Variants in NLGN2 observed in about 807,000 individuals in gnomAD.
The protein encoded by NLGN2 is neuroligin 2, also known as neuroligin-2.
A neutral mutation model predicts 48.6 loss-of-function variants in NLGN2; 11 were observed. The observed-to-expected ratio is 0.23, with a 90% CI of 0.14 to 0.37. The LOEUF (loss-of-function observed/expected upper bound fraction) is 0.37. NLGN2 is among the 10% of genes least tolerant of loss of function. NLGN2 has a pLI of 1.00. For synonymous variants in NLGN2, 548 were observed against 550.0 expected, an observed-to-expected ratio of 1.00 and a Z score of 0.05; for missense variants, 801 against 1,225.2, an observed-to-expected ratio of 0.65 and a Z score of 5.17.
In NLGN2 at chr17:7,411,122, C is replaced by T. The variant is rs540027700; in HGVS notation, c.458-1035C>T. Among the ~76,000 whole-genome samples, 8 of 152,356 alleles carry T rather than the reference C, an allele frequency of 5.3e-5. No individual in the cohort carries two copies. The highest frequency in any genetic ancestry group is 4.1e-4 in the South Asian group (2 of 4,828). On this transcript the variant is annotated intron_variant, in intron 1 of 6. Coordinates refer to ENST00000302926, the MANE Select transcript of NLGN2 (RefSeq NM_020795.4). This position sits in a 1 kb window ranked among gnomAD's most constrained non-coding sequence, Gnocchi z 4.5. ...ATCTGGAAGAAGCCCTGACACTGGGCGAACCTGGTGCTCCCGGTACCTGCT... is the reference window on the plus strand; with the variant it reads ...ATCTGGAAGAAGCCCTGACACTGGGTGAACCTGGTGCTCCCGGTACCTGCT...
chr17:7,414,227 T>A, intron 2 of NLGN2, 117 bp from the exon 3 acceptor site: 1 of 881,854 alleles, frequency 1.1e-6, no homozygotes, highest in Non-Finnish European at 1.8e-6. Flanking sequence ...GAGTGACATG[T>A]CCCCTGAGCT....
At chr17:7,414,538 G>A (rs772439139) in intron 3 of NLGN2, 45 bp downstream of exon 3, 2 of 1,611,672 alleles carry the variant, frequency 1.2e-6, no homozygotes, top group Non-Finnish European at 8.5e-7. Context: ...AGTCTGGGAG[G>A]TGGGCCTGGT....
In NLGN2 at chr17:7,417,463, TG is replaced by T; in HGVS notation, c.2177del (p.Gly726AlafsTer22). 2 of 1,549,844 alleles carry T rather than the reference TG, an allele frequency of 1.3e-6. No homozygotes were observed. The part of the protein sequence containing the change: ...PGGSGSGVPG[G>X]GPLLPAAGRE... ...GCGGCTCAGGCTCTGGCGTGCCTGG[TG>T]GGGGCCCCCTGCTCCCCGCCGCGGG... On this transcript the variant is annotated frameshift_variant, in exon 7 of 7. Coordinates refer to ENST00000302926, the MANE Select transcript of NLGN2 (RefSeq NM_020795.4). LOFTEE classifies it low-confidence loss of function (END_TRUNC).
In NLGN2 at chr17:7,419,509, TC is replaced by T. The variant is rs3214396; in HGVS notation, c.*1714del. ...CAAATCCAGAATCCCTGGTCTTGAG[TC>T]CCCAGAACTTTGCCTCTTGACTGTC... On this transcript the variant is annotated 3_prime_UTR_variant, in exon 7 of 7. Coordinates refer to ENST00000302926, the MANE Select transcript of NLGN2 (RefSeq NM_020795.4). 50,925 of 152,390 alleles carry T rather than the reference TC, an allele frequency of 0.33. 9,642 individuals carry two copies. Among genetic ancestry groups the T allele is most frequent in the African/African-American group, 0.5 (20,783 of 41,360 alleles). 9.4% of individuals were successfully genotyped at this position (152,390 alleles called of 1,614,324 possible).
chr17:7,413,084 G>A lies in NLGN2; in HGVS notation c.508+877G>A, dbSNP rs539065777. Among the ~76,000 whole-genome samples the A allele has an allele frequency of 2.6e-5, 4 of 152,302 alleles. No homozygotes were observed. In the East Asian group the frequency reaches 5.8e-4, roughly 22 times the overall value. On this transcript the variant is annotated intron_variant, in intron 2 of 6. Transcript: ENST00000302926. This position sits in a 1 kb window ranked among gnomAD's most constrained non-coding sequence, Gnocchi z 4.9. The stretch of plus-strand genomic sequence containing the variant: ...GGACCTTGGAGGGAAGGAGATTCCG[G>A]CCTGAAAGTGCTGGGAGGTCACTTG...
chr17:7,409,868 C>T (rs1337686497), intron 1 of NLGN2, among the ~76,000 whole-genome samples: 5 of 152,190 alleles, frequency 3.3e-5, no homozygotes, highest in Non-Finnish European at 7.3e-5. Context: ...TCATATCACA[C>T]ACACCCCCAG....
In NLGN2 at chr17:7,414,416, A is replaced by G; in HGVS notation, c.581A>G (p.Asn194Ser). 6.2e-7 allele frequency: 1 copy of G among 1,614,148 alleles called. No individual in the cohort carries two copies. Residue 194 changes from asparagine (N) to serine (S), a missense_variant, in exon 3 of 7, where the codon AAC becomes AGC. Physicochemically the swap from Asn to Ser is conservative, Grantham distance 46. Transcript: ENST00000302926. The stretch of plus-strand genomic sequence containing the variant: ...GGCTCCTACATGGAGGGGACCGGAA[A>G]CATGTTCGATGGCTCAGTCCTGGCT... ...HGGSYMEGTG[N>S]MFDGSVLAAY...
At chr17:7,409,063 C>A (rs571389028) in intron 1 of NLGN2, among the ~76,000 whole-genome samples, 1 of 152,224 alleles carries the variant, frequency 6.6e-6, no homozygotes, top group Non-Finnish European at 1.5e-5. Context: ...GTGATCCATC[C>A]TCTGCTCAGA....
At position 7,408,349 on chromosome 17, in the gene NLGN2, G is replaced by GGCCTCGGCA. The variant is rs762590868; in HGVS notation, c.103_111dup (p.Ser35_Gly37dup). On this transcript the variant is annotated inframe_insertion, in exon 1 of 7. Coordinates refer to ENST00000302926, the MANE Select transcript of NLGN2 (RefSeq NM_020795.4). The surrounding 1 kb of genome is among the most constrained non-coding windows in gnomAD (Gnocchi z 7.5). The stretch of plus-strand genomic sequence containing the variant: ...CGGCGCCCCGGGCGGCCCCGGCCTG[G>GGCCTCGGCA]GCCTCGGCAGCCTCGGCGAGGAGCG... 8.8e-4 allele frequency: 1,305 copies of GGCCTCGGCA among 1,481,928 alleles called. 1 individual carries two copies. The highest frequency in any genetic ancestry group is 1.1e-3 in the Non-Finnish European group (1,264 of 1,119,562). The allele number at this position is 1,481,928 out of a possible 1,614,324, so 91.8% of individuals were successfully genotyped here.
At chr17:7,407,713 C>G (rs1292644496), upstream of NLGN2, among the ~76,000 whole-genome samples, 1 of 152,084 alleles carries the variant, frequency 6.6e-6, no homozygotes, top group Non-Finnish European at 1.5e-5. Context: ...AGCTGACCCG[C>G]CTCTCCTCTG....
In NLGN2 at chr17:7,417,728, C is replaced by A; in HGVS notation, c.2437C>A (p.Pro813Thr). 2.8e-6 allele frequency: 3 copies of A among 1,068,200 alleles called. No homozygotes were observed. Among genetic ancestry groups the A allele is most frequent in the East Asian group, 7.5e-5 (2 of 26,690 alleles). 66.2% of individuals were successfully genotyped at this position (1,068,200 alleles called of 1,614,324 possible). Reference sequence around the variant, plus strand: ...CTCCCTTCATCCCTTCGGGCCCTTCCCCCCGCCCCCTCCCACCGCCACCAG... The same window carrying A: ...CTCCCTTCATCCCTTCGGGCCCTTCACCCCGCCCCCTCCCACCGCCACCAG... ...PPSLHPFGPF[P>T]PPPPTATSHN... is the part of the protein sequence containing the mutation. Residue 813 changes from proline (P) to threonine (T), a missense_variant, in exon 7 of 7, where the codon CCC becomes ACC. By Grantham distance (38) the Pro-to-Thr change is conservative (BLOSUM62 -1). Coordinates refer to ENST00000302926, the MANE Select transcript of NLGN2 (RefSeq NM_020795.4).
In NLGN2 at chr17:7,408,482, C is replaced by T. The variant is rs1303740282; in HGVS notation, c.227C>T (p.Thr76Met). The change falls in exon 1 of 7, where the codon ACG (threonine) becomes ATG (methionine). Residue 76 changes from threonine (T) to methionine (M), a missense_variant. Physicochemically the swap from Thr to Met is moderately conservative, Grantham distance 81. This residue lies in a region of NLGN2 where 164 missense variants were observed against 186.2 expected (regional missense o/e 0.88). Coordinates refer to ENST00000302926, the MANE Select transcript of NLGN2 (RefSeq NM_020795.4). The surrounding 1 kb of genome is among the most constrained non-coding windows in gnomAD (Gnocchi z 7.5). ...CAGTTCTTGGGCGTGCCCTACGCCA[C>T]GCCGCCCCTGGGCGCCCGCCGCTTC... is the stretch of plus-strand genomic sequence containing the variant. Reference protein sequence around the residue: ...VVQFLGVPYATPPLGARRFQP... With the variant: ...VVQFLGVPYAMPPLGARRFQP... The T allele has an allele frequency of 6.6e-7, 1 of 1,518,026 alleles. No homozygotes were observed. Among genetic ancestry groups the T allele is most frequent in the Non-Finnish European group, 8.8e-7 (1 of 1,138,490 alleles). 94.0% of individuals were successfully genotyped at this position (1,518,026 alleles called of 1,614,324 possible).
chr17:7,406,063 A>C (rs1027158348), upstream of NLGN2, among the ~76,000 whole-genome samples: 8 of 152,180 alleles, frequency 5.3e-5, no homozygotes, highest in Non-Finnish European at 4.4e-5. Context: ...GGGGAAAGAC[A>C]GGAGAGAGAG....
rs1048484400 is a variant in NLGN2, at chr17:7,413,679, T to C, written c.509-665T>C. On this transcript the variant is annotated intron_variant, in intron 2 of 6. Transcript: ENST00000302926. The surrounding 1 kb of genome is among the most constrained non-coding windows in gnomAD (Gnocchi z 4.9). Reference sequence around the variant, plus strand: ...CCCAGGGCTCAGGCCAGTTTGGGGGTGTCCAAAACTAAGCTGCACCCTGGC... The same window carrying C: ...CCCAGGGCTCAGGCCAGTTTGGGGGCGTCCAAAACTAAGCTGCACCCTGGC... Among the ~76,000 whole-genome samples, 2 of 151,424 alleles carry C rather than the reference T, an allele frequency of 1.3e-5. No individual in the cohort carries two copies. The highest frequency in any genetic ancestry group is 4.9e-5 in the African/African-American group (2 of 41,150).
At chr17:7,414,537 G>A (rs1271473746) in intron 3 of NLGN2, 44 bp downstream of exon 3, 1 of 1,611,658 alleles carries the variant, frequency 6.2e-7, no homozygotes, top group Admixed American at 1.7e-5. Flanking sequence ...GAGTCTGGGA[G>A]GTGGGCCTGG....
At chr17:7,406,521 G>C (rs1906645113), upstream of NLGN2, among the ~76,000 whole-genome samples, 1 of 152,126 alleles carries the variant, frequency 6.6e-6, no homozygotes, top group Admixed American at 6.5e-5. Context: ...GGGCATGACT[G>C]GGTGTGTGTG....
upstream of NLGN2, among the ~76,000 whole-genome samples, chr17:7,407,722 T>G (rs1390516679): frequency 1.3e-5 from 2 of 152,036 alleles, no homozygotes; most frequent in African/African-American, 4.8e-5. Flanking sequence ...GCCTCTCCTC[T>G]GGCTGGGTCC....
chr17:7,412,954 T>C (rs1906959192), intron 2 of NLGN2, among the ~76,000 whole-genome samples: 1 of 152,200 alleles, frequency 6.6e-6, no homozygotes, highest in Non-Finnish European at 1.5e-5. Flanking sequence ...TTTGAATTCT[T>C]GTCGCCCCAG....
chr17:7,416,126 G>T lies in NLGN2; in HGVS notation c.1634+19G>T. 1 of 1,476,968 alleles carries T rather than the reference G, an allele frequency of 6.8e-7. No individual in the cohort carries two copies. The highest frequency in any genetic ancestry group is 1.1e-5 in the South Asian group (1 of 88,306). 91.5% of individuals were successfully genotyped at this position (1,476,968 alleles called of 1,614,324 possible). On this transcript the variant is annotated intron_variant, in intron 6 of 6. Coordinates refer to ENST00000302926, the MANE Select transcript of NLGN2 (RefSeq NM_020795.4). ...AGACTGGGTGAGGGCCAGAGGGGCT[G>T]GGCGGGGCTGGGCGGGGCCCTCCCT... is the stretch of plus-strand genomic sequence containing the variant.
Sources: allele counts gnomAD v4.1 joint callset (sites outside exome capture counted in the v4.1 genomes callset), GRCh38; gene constraint gnomAD v4.1.1; regional missense constraint gnomAD v4.1.1; non-coding constraint Gnocchi (gnomAD v3.1); transcripts MANE v1.5; gene names NCBI Gene and HGNC (gene_info 2026-07-23, HGNC 2026-07-21).